The following CCDC7 variants were observed in gnomAD, a reference collection of about 807,000 sequenced individuals.
CCDC7 encodes the protein coiled-coil domain containing 7.
A neutral mutation model predicts 196.9 loss-of-function variants in CCDC7; 183 were observed. The ratio of observed to expected loss-of-function variants is 0.93; its 90% confidence interval spans 0.82 to 1.05. The LOEUF (loss-of-function observed/expected upper bound fraction) is 1.05. CCDC7 is among the 50% of genes least tolerant of loss of function. The probability of loss-of-function intolerance (pLI) is 0.00; values close to 1 mark genes in which losing one functional copy is unlikely to be tolerated. For missense variants in CCDC7, 1,540 were observed against 1,482.2 expected, an observed-to-expected ratio of 1.04 and a Z score of -0.64; for synonymous variants, 525 against 484.6, an observed-to-expected ratio of 1.08 and a Z score of -1.10.
chr10:32,679,809 A>G (rs2075588853), intron 21 of CCDC7, among the ~76,000 whole-genome samples: 1 of 152,198 alleles, frequency 6.6e-6, no homozygotes, highest in Non-Finnish European at 1.5e-5. Context: ...GTTATGGTTT[A>G]TGCATGGATG....
intron 20 of CCDC7, among the ~76,000 whole-genome samples, chr10:32,650,427 C>G (rs545772111): frequency 4.9e-4 from 74 of 152,334 alleles, no homozygotes; most frequent in African/African-American, 1.7e-3. Flanking sequence ...ATGTAACTCT[C>G]TCACCAGGCT....
chr10:32,515,806 T>A (rs966154282), intron 9 of CCDC7, among the ~76,000 whole-genome samples: 1 of 152,166 alleles, frequency 6.6e-6, no homozygotes, highest in Admixed American at 6.5e-5. Context: ...CCCAAAGTGC[T>A]GGGATTACAG....
intron 11 of CCDC7, among the ~76,000 whole-genome samples, chr10:32,523,012 T>C (rs1435306742): frequency 6.6e-6 from 1 of 151,524 alleles, no homozygotes; most frequent in Non-Finnish European, 1.5e-5. Flanking sequence ...ATTTCATTGT[T>C]GTCAGGGAAG....
In CCDC7 at chr10:32,728,881, A is replaced by AT. The variant is rs1230198161; in HGVS notation, c.2669-5dup. 2.6e-6 allele frequency: 4 copies of AT among 1,524,100 alleles called. No homozygotes were observed. The highest frequency in any genetic ancestry group is 3.6e-6 in the Non-Finnish European group (4 of 1,102,862). The allele number at this position is 1,524,100 out of a possible 1,614,324, so 94.4% of individuals were successfully genotyped here. On this transcript the variant is annotated splice_polypyrimidine_tract_variant and splice_region_variant and intron_variant, in intron 26 of 41. Transcript: ENST00000639629. ...TTTGATGGACTAAATGCATCTCTTGATATAGCTCGTATTGTAGTACCAAAT... is the reference window on the plus strand; with the variant it reads ...TTTGATGGACTAAATGCATCTCTTGATTATAGCTCGTATTGTAGTACCAAAT...
intron 18 of CCDC7, among the ~76,000 whole-genome samples, chr10:32,617,367 G>C (rs1409376972): frequency 6.6e-6 from 1 of 151,386 alleles, no homozygotes; most frequent in Non-Finnish European, 1.5e-5. Flanking sequence ...CCAGCTTTTT[G>C]AAGTGTGATG....
At chr10:32,484,774 G>A (rs1189519604) in intron 8 of CCDC7, among the ~76,000 whole-genome samples, 1 of 152,066 alleles carries the variant, frequency 6.6e-6, no homozygotes, top group African/African-American at 2.4e-5. Context: ...TTTTGTTGTT[G>A]GTTCTGTTTA....
intron 13 of CCDC7, among the ~76,000 whole-genome samples, chr10:32,552,120 C>T (rs867304186): frequency 5.3e-5 from 8 of 152,152 alleles, no homozygotes; most frequent in Admixed American, 2.6e-4. Flanking sequence ...TGATATTTTC[C>T]TGTTGGACAA....
At chr10:32,811,313 G>C (rs560480006) in intron 30 of CCDC7, among the ~76,000 whole-genome samples, 6 of 151,996 alleles carry the variant, frequency 3.9e-5, no homozygotes, top group African/African-American at 1.4e-4. Flanking sequence ...AAATGAAAAA[G>C]GAGATAGAAC....
chr10:32,861,115 CAAAAAA>C (rs142801821), intron 41 of CCDC7, among the ~76,000 whole-genome samples: 1 of 97,130 alleles, frequency 1.0e-5, no homozygotes, highest in Non-Finnish European at 2.0e-5. Context: ...CAATCATAAG[CAAAAAA>C]AAAAAAAAAA....
intron 6 of CCDC7, among the ~76,000 whole-genome samples, chr10:32,471,930 G>A (rs1449834088): frequency 6.6e-6 from 1 of 152,110 alleles, no homozygotes; most frequent in Non-Finnish European, 1.5e-5. Context: ...TTAAGTGTCT[G>A]CTGTGTACTA....
intron 30 of CCDC7, among the ~76,000 whole-genome samples, chr10:32,808,311 C>T (rs1021278718): frequency 1.3e-5 from 2 of 152,130 alleles, no homozygotes; most frequent in East Asian, 3.9e-4. Flanking sequence ...ACCAGGGGAC[C>T]TCACAATAGG....
chr10:32,508,107 G>A (rs2045497653), intron 9 of CCDC7, among the ~76,000 whole-genome samples: 2 of 152,144 alleles, frequency 1.3e-5, no homozygotes, highest in African/African-American at 4.8e-5. Context: ...TAGATGACAT[G>A]AGTTCATATA....
intron 8 of CCDC7, among the ~76,000 whole-genome samples, chr10:32,480,419 C>T (rs1353987875): frequency 6.6e-6 from 1 of 152,028 alleles, no homozygotes; most frequent in Admixed American, 6.6e-5. Context: ...AACTCCTGGC[C>T]TCAAGTGATT....
intron 9 of CCDC7, among the ~76,000 whole-genome samples, chr10:32,516,182 T>G (rs563516523): frequency 1.1e-4 from 17 of 152,180 alleles, no homozygotes; most frequent in African/African-American, 4.1e-4. Context: ...AGATAAATAA[T>G]TCAATTAAAA....
chr10:32,499,296 T>A (rs2043470776), intron 9 of CCDC7: 1 of 152,158 alleles, frequency 6.6e-6, no homozygotes, highest in Non-Finnish European at 1.5e-5. Flanking sequence ...CTTTTAGAAG[T>A]TTTTCCCTGT....
intron 20 of CCDC7, among the ~76,000 whole-genome samples, chr10:32,653,049 TAGA>T (rs2069073623): frequency 6.6e-6 from 1 of 152,258 alleles, no homozygotes; most frequent in African/African-American, 2.4e-5. Context: ...CCCTTCATGT[TAGA>T]AGGATAGCTT....
At chr10:32,493,972 C>G (rs187480330) in intron 9 of CCDC7, among the ~76,000 whole-genome samples, 16 of 152,226 alleles carry the variant, frequency 1.1e-4, no homozygotes, top group Admixed American at 1.0e-3. Context: ...CAAATATTTT[C>G]TCCCATTCCA....
At chr10:32,643,168 T>C (rs554850579) in intron 20 of CCDC7, among the ~76,000 whole-genome samples, 1 of 152,338 alleles carries the variant, frequency 6.6e-6, no homozygotes, top group South Asian at 2.1e-4. Context: ...AGTTTTGTCT[T>C]CTTTTTAAAT....
intron 33 of CCDC7, among the ~76,000 whole-genome samples, chr10:32,842,063 C>A (rs2093011015): frequency 6.6e-6 from 1 of 151,914 alleles, no homozygotes; most frequent in African/African-American, 2.4e-5. Context: ...GACAAAGAAC[C>A]CAAAAGCAAA....
Sources: allele counts gnomAD v4.1 joint callset (sites outside exome capture counted in the v4.1 genomes callset), GRCh38; gene constraint gnomAD v4.1.1; transcripts MANE v1.5; gene names NCBI Gene and HGNC (gene_info 2026-07-23, HGNC 2026-07-21).